Variants in ZNF407 observed in about 807,000 individuals in gnomAD.
ZNF407 encodes the protein zinc finger protein 407.
ZNF407 carries 17 observed loss-of-function variants against 131.2 expected under a neutral mutation model. That is an observed-to-expected ratio of 0.13 (90% confidence interval 0.09 to 0.19). The LOEUF (loss-of-function observed/expected upper bound fraction) is 0.19, where lower values mean the gene tolerates loss of function less well. Ranked by LOEUF, ZNF407 falls within the 10% of genes least tolerant of loss-of-function variation. The pLI is 1.00. For synonymous variants in ZNF407, 1,156 were observed against 1,062.0 expected (o/e 1.09, Z -1.72); for missense variants, 2,681 against 2,830.6 (o/e 0.95, Z 1.20).
intron 1 of ZNF407, among the ~76,000 whole-genome samples, chr18:74,622,499 C>CT (rs558427250): frequency 4.6e-5 from 7 of 151,810 alleles, no homozygotes; most frequent in South Asian, 2.1e-4. Flanking sequence ...TGGATTCGTC[C>CT]TTTTTTTTTG....
At chr18:74,749,272 C>T (rs1011294713) in intron 3 of ZNF407, among the ~76,000 whole-genome samples, 1 of 152,142 alleles carries the variant, frequency 6.6e-6, no homozygotes. Flanking sequence ...GTCCTCCCCT[C>T]TCCTCTCATC....
chr18:74,778,101 G>A (rs12957488), intron 3 of ZNF407, among the ~76,000 whole-genome samples: 13,620 of 152,162 alleles, frequency 0.09, 832 homozygotes, highest in African/African-American at 0.17. Flanking sequence ...TGCCTGAGAT[G>A]GCTTTTCTTC....
intron 3 of ZNF407, among the ~76,000 whole-genome samples, chr18:74,678,076 C>A (rs1281036674): frequency 6.6e-6 from 1 of 152,184 alleles, no homozygotes; most frequent in Admixed American, 6.5e-5. Flanking sequence ...CCACCTTGGC[C>A]TCCCAAAGTG....
chr18:74,838,729 T>G (rs2554112), intron 4 of ZNF407, among the ~76,000 whole-genome samples: 149,491 of 152,268 alleles, frequency 0.98, 73,449 homozygotes, highest in East Asian at 1. Context: ...TACACTATAG[T>G]TGTTGGAATT....
intron 3 of ZNF407, among the ~76,000 whole-genome samples, chr18:74,693,838 G>A (rs1568169904): frequency 6.6e-6 from 1 of 151,824 alleles, no homozygotes; most frequent in African/African-American, 2.4e-5. Context: ...CCTGTCTCTA[G>A]CCCTTCTCTT....
At chr18:74,734,010 T>C (rs928970123) in intron 3 of ZNF407, among the ~76,000 whole-genome samples, 1 of 152,160 alleles carries the variant, frequency 6.6e-6, no homozygotes, top group African/African-American at 2.4e-5. Flanking sequence ...GCTCATCTTG[T>C]TTGCTCTTGT....
intron 3 of ZNF407, among the ~76,000 whole-genome samples, chr18:74,712,376 C>CG (rs201081994): frequency 1.3e-5 from 2 of 152,316 alleles, no homozygotes; most frequent in South Asian, 2.1e-4. Context: ...GCTATTTGAG[C>CG]CCAGGTTACT....
At position 74,995,831 on chromosome 18, in the gene ZNF407, C is replaced by T. The variant is rs140763596; in HGVS notation, c.5429-67319C>T. 8.2e-4 allele frequency among the ~76,000 whole-genome samples: 125 copies of T among 152,216 alleles called. 1 individual carries two copies. The highest frequency in any genetic ancestry group is 2.8e-3 in the African/African-American group (118 of 41,534). On this transcript the variant is annotated intron_variant, in intron 8 of 8. Coordinates refer to ENST00000299687, the MANE Select transcript of ZNF407 (RefSeq NM_017757.3). ...TTCCTTAGACAACTTTGTGTTAGAT[C>T]AGGGAAATCTATATGCATTCAGAGT...
chr18:75,020,162 T>C (rs1005723619), intron 8 of ZNF407, among the ~76,000 whole-genome samples: 6 of 152,200 alleles, frequency 3.9e-5, no homozygotes, highest in African/African-American at 1.4e-4. Flanking sequence ...TTCTATTTTA[T>C]TAGTTATTGC....
intron 3 of ZNF407, among the ~76,000 whole-genome samples, chr18:74,702,306 C>T (rs898734596): frequency 6.6e-6 from 1 of 152,046 alleles, no homozygotes; most frequent in South Asian, 2.1e-4. Context: ...ATCAAGTACA[C>T]TTTTGGTGTT....
chr18:74,634,701 G>A lies in ZNF407; in HGVS notation c.3682G>A (p.Val1228Ile). Residue 1228 changes from valine (V) to isoleucine (I), a missense_variant, in exon 2 of 9, where the codon GTC (valine) becomes ATC (isoleucine). Coordinates refer to ENST00000299687, the MANE Select transcript of ZNF407 (RefSeq NM_017757.3). Reference protein sequence around the residue: ...EISNDAGELRVHCEGEGGNAG... With the variant: ...EISNDAGELRIHCEGEGGNAG... The stretch of plus-strand genomic sequence containing the variant: ...ATCGAATGATGCAGGTGAGCTGCGT[G>A]TCCATTGTGAGGGTGAAGGAGGAAA... The A allele has an allele frequency of 6.2e-7, 1 of 1,614,060 alleles. No individual in the cohort carries two copies. Among genetic ancestry groups the A allele is most frequent in the Non-Finnish European group, 8.5e-7 (1 of 1,179,906 alleles).
At chr18:75,018,148 G>A (rs181824314) in intron 8 of ZNF407, among the ~76,000 whole-genome samples, 1 of 152,190 alleles carries the variant, frequency 6.6e-6, no homozygotes, top group African/African-American at 2.4e-5. Flanking sequence ...GTAACACAGT[G>A]TTAACTTTAT....
chr18:74,983,327 G>A (rs969800942), intron 8 of ZNF407, among the ~76,000 whole-genome samples: 1 of 152,146 alleles, frequency 6.6e-6, no homozygotes, highest in Non-Finnish European at 1.5e-5. Flanking sequence ...GCACAGTCAG[G>A]TGTTATCTTA....
At chr18:75,024,615 G>A (rs762429633) in intron 8 of ZNF407, among the ~76,000 whole-genome samples, 1 of 152,150 alleles carries the variant, frequency 6.6e-6, no homozygotes, top group Non-Finnish European at 1.5e-5. Context: ...CTGTGTAATG[G>A]TGTATATTTT....
intron 8 of ZNF407, among the ~76,000 whole-genome samples, chr18:75,055,093 A>G (rs1483439140): frequency 1.3e-5 from 2 of 152,190 alleles, no homozygotes; most frequent in Non-Finnish European, 2.9e-5. Flanking sequence ...GACGCACCCT[A>G]TGTTGATACT....
At chr18:74,953,590 C>A (rs779766373) in intron 8 of ZNF407, among the ~76,000 whole-genome samples, 2 of 152,174 alleles carry the variant, frequency 1.3e-5, no homozygotes, top group Non-Finnish European at 2.9e-5. Flanking sequence ...GCCTCTGTGT[C>A]CTGCCCCACA....
At chr18:74,912,947 A>G (rs1971694458) in intron 7 of ZNF407, among the ~76,000 whole-genome samples, 1 of 152,230 alleles carries the variant, frequency 6.6e-6, no homozygotes, top group Admixed American at 6.5e-5. Context: ...ATTTGGAAAG[A>G]TAACCTCTTT....
At position 74,602,986 on chromosome 18, in the gene ZNF407, C is replaced by T. The variant is rs915033050; in HGVS notation, c.-54+5049C>T. Among the ~76,000 whole-genome samples the T allele has an allele frequency of 5.3e-5, 8 of 152,030 alleles. No homozygotes were observed. The South Asian group carries it at 1.7e-3, about 32-fold the overall frequency. ...CATGCCCAGGTGTGTGGGGACAGGG[C>T]ATTCAGGAGAGAGCTGAGGCTCCCA... On this transcript the variant is annotated intron_variant, in intron 1 of 8. Coordinates refer to ENST00000299687, the MANE Select transcript of ZNF407 (RefSeq NM_017757.3).
Position 75,064,567 on chromosome 18 carries a change from A to G in ZNF407, c.*99A>G. 1 of 1,145,778 alleles carries G rather than the reference A, an allele frequency of 8.7e-7. No homozygotes were observed. Among genetic ancestry groups the G allele is most frequent in the Non-Finnish European group, 1.2e-6 (1 of 833,412 alleles). The allele number at this position is 1,145,778 out of a possible 1,614,324, so 71.0% of individuals were successfully genotyped here. On this transcript the variant is annotated 3_prime_UTR_variant, in exon 9 of 9. Transcript: ENST00000299687. ...AGCTTCATCTGAAACCTTCAAAACC[A>G]TGAGGACAAGGCTCCCGTGAGCTCT...
Sources: gnomAD v4.1 joint callset for allele counts (sites outside exome capture counted in the v4.1 genomes callset) on GRCh38, gnomAD v4.1.1 for gene constraint, MANE v1.5 for transcripts, NCBI Gene and HGNC (gene_info 2026-07-23, HGNC 2026-07-21) for gene names.